MATCAP2: variants seen among roughly 807,000 people sequenced by gnomAD.
MATCAP2 encodes microtubule associated tyrosine carboxypeptidase 2, also known as putative tyrosine carboxypeptidase MATCAP2.
the MATCAP2 span, among the ~76,000 whole-genome samples, chr7:36,346,455 C>T: frequency 2.6e-5 from 4 of 152,106 alleles, no homozygotes; most frequent in Non-Finnish European, 5.9e-5. Flanking sequence ...ATAAAAAATG[C>T]TGATGCATGC....
At chr7:36,345,064 T>C in the MATCAP2 span, among the ~76,000 whole-genome samples, 3 of 152,320 alleles carry the variant, frequency 2.0e-5, no homozygotes, top group African/African-American at 7.2e-5. Flanking sequence ...TCTTAAAATG[T>C]ACTTGGCCAA....
At chr7:36,345,033 T>C in the MATCAP2 span, among the ~76,000 whole-genome samples, 109 of 152,336 alleles carry the variant, frequency 7.2e-4, no homozygotes, top group African/African-American at 2.5e-3. Context: ...AATCTGACTT[T>C]GGACCTTCCC....
At chr7:36,343,734 G>C in the MATCAP2 span, among the ~76,000 whole-genome samples, 1 of 151,768 alleles carries the variant, frequency 6.6e-6, no homozygotes, top group East Asian at 1.9e-4. Context: ...AATGTTTAAA[G>C]AAGTATAAAA....
chr7:36,342,674 G>A, the MATCAP2 span, among the ~76,000 whole-genome samples: 1 of 151,840 alleles, frequency 6.6e-6, no homozygotes, highest in Non-Finnish European at 1.5e-5. Context: ...GCCCAGGCTG[G>A]AGTGCAGTGG....
the MATCAP2 span, among the ~76,000 whole-genome samples, chr7:36,330,196 C>G: frequency 2.0e-5 from 3 of 152,014 alleles, no homozygotes; most frequent in South Asian, 6.2e-4. Context: ...AGTGACCCTC[C>G]CACCTCAGCT....
chr7:36,388,907 T>C, the MATCAP2 span, among the ~76,000 whole-genome samples: 4 of 152,240 alleles, frequency 2.6e-5, no homozygotes, highest in Non-Finnish European at 5.9e-5. Flanking sequence ...TCACACAGTC[T>C]GTTAATTTTA....
chr7:36,369,994 A>G, the MATCAP2 span, among the ~76,000 whole-genome samples: 2 of 152,202 alleles, frequency 1.3e-5, no homozygotes, highest in Non-Finnish European at 2.9e-5. Flanking sequence ...TTTAGTGATA[A>G]GCACCATATA....
the MATCAP2 span, among the ~76,000 whole-genome samples, chr7:36,348,480 T>C: frequency 1.3e-5 from 2 of 152,306 alleles, no homozygotes; most frequent in East Asian, 1.9e-4. Context: ...AAACAAAACA[T>C]ATATGCAGGC....
the MATCAP2 span, among the ~76,000 whole-genome samples, chr7:36,385,845 AATAAAATAAG>A: frequency 8.2e-4 from 117 of 142,134 alleles, 1 homozygote; most frequent in Admixed American, 6.6e-3. Context: ...AATAAAATAA[AATAAAATAAG>A]ATAAAGAAAG....
chr7:36,339,083 G>A, the MATCAP2 span, among the ~76,000 whole-genome samples: 1 of 152,260 alleles, frequency 6.6e-6, no homozygotes, highest in African/African-American at 2.4e-5. Context: ...GACCTCTTGA[G>A]ACTATGTCTC....
the MATCAP2 span, among the ~76,000 whole-genome samples, chr7:36,373,163 T>A: frequency 6.6e-6 from 1 of 151,574 alleles, no homozygotes; most frequent in Non-Finnish European, 1.5e-5. Flanking sequence ...AATCAGTCCT[T>A]TAGCACATAT....
At chr7:36,346,274 C>T in the MATCAP2 span, among the ~76,000 whole-genome samples, 1 of 152,128 alleles carries the variant, frequency 6.6e-6, no homozygotes, top group South Asian at 2.1e-4. Flanking sequence ...ACTAACAAGT[C>T]CACTACTAGA....
the MATCAP2 span, among the ~76,000 whole-genome samples, chr7:36,350,222 A>AT: frequency 6.6e-6 from 1 of 152,230 alleles, no homozygotes; most frequent in East Asian, 1.9e-4. Flanking sequence ...TTCCAATTAA[A>AT]TTTTTTTCTA....
chr7:36,376,092 A>T, the MATCAP2 span, among the ~76,000 whole-genome samples: 4 of 152,056 alleles, frequency 2.6e-5, no homozygotes, highest in African/African-American at 9.7e-5. Context: ...TATCTCCTTC[A>T]GTTCTGCTCT....
chr7:36,349,919 A>G, the MATCAP2 span, among the ~76,000 whole-genome samples: 1 of 152,206 alleles, frequency 6.6e-6, no homozygotes, highest in Non-Finnish European at 1.5e-5. Flanking sequence ...AGGTTAAGAA[A>G]TAACCCCAGT....
At chr7:36,335,372 C>T in the MATCAP2 span, among the ~76,000 whole-genome samples, 3 of 152,310 alleles carry the variant, frequency 2.0e-5, no homozygotes, top group African/African-American at 7.2e-5. Context: ...TTTGGGAACT[C>T]AAGAACCTTC....
At chr7:36,350,257 A>G in the MATCAP2 span, among the ~76,000 whole-genome samples, 690 of 152,306 alleles carry the variant, frequency 4.5e-3, 3 homozygotes, top group Non-Finnish European at 6.5e-3. Flanking sequence ...TGAACATTTG[A>G]CCTGTTTTAA....
the MATCAP2 span, among the ~76,000 whole-genome samples, chr7:36,362,035 C>T: frequency 6.6e-6 from 1 of 152,136 alleles, no homozygotes; most frequent in Non-Finnish European, 1.5e-5. Flanking sequence ...GGAAACCTAC[C>T]AGGTGCTGGA....
the MATCAP2 span, chr7:36,331,220 A>T: frequency 1.7e-6 from 1 of 573,884 alleles, no homozygotes; most frequent in African/African-American, 1.9e-5. Flanking sequence ...TTTTTATTTA[A>T]CTATCTTCAT....
Sources: allele counts gnomAD v4.1 joint callset (sites outside exome capture counted in the v4.1 genomes callset), GRCh38; gene constraint gnomAD v4.1.1; transcripts MANE v1.5; gene names NCBI Gene and HGNC (gene_info 2026-07-23, HGNC 2026-07-21).